The following NEK7 variants were observed in gnomAD, a reference collection of about 807,000 sequenced individuals.
NEK7 encodes serine/threonine-protein kinase Nek7.
NEK7 carries 18 observed loss-of-function variants against 44.6 expected under a neutral mutation model. That is an observed-to-expected ratio of 0.40 (90% CI 0.28 to 0.60). NEK7 has a LOEUF of 0.60. Ranked by LOEUF, NEK7 falls within the 20% of genes least tolerant of loss-of-function variation. The pLI, the probability that NEK7 is intolerant of heterozygous loss-of-function variation, is 0.38. For synonymous variants in NEK7, 130 were observed against 121.1 expected (o/e 1.07, Z -0.48); for missense variants, 256 against 366.5 (o/e 0.70, Z 2.46).
chr1:198,303,003 C>A (rs577429744), intron 9 of NEK7, among the ~76,000 whole-genome samples: 7 of 152,266 alleles, frequency 4.6e-5, no homozygotes, highest in African/African-American at 1.7e-4. Context: ...TTAACCCTTT[C>A]ACTCACCATC....
At chr1:198,209,100 TAC>T (rs1238207641) in intron 1 of NEK7, among the ~76,000 whole-genome samples, 2 of 123,636 alleles carry the variant, frequency 1.6e-5, no homozygotes, top group East Asian at 5.8e-4. Flanking sequence ...CACACATATG[TAC>T]ACACACATGT....
At chr1:198,315,117 T>C (rs1157630333) in intron 9 of NEK7, among the ~76,000 whole-genome samples, 1 of 152,206 alleles carries the variant, frequency 6.6e-6, no homozygotes, top group Non-Finnish European at 1.5e-5. Flanking sequence ...CCGAGCCAGA[T>C]GCGGGATATA....
chr1:198,241,267 T>G (rs1001223992), intron 2 of NEK7, among the ~76,000 whole-genome samples: 5 of 152,218 alleles, frequency 3.3e-5, no homozygotes, highest in African/African-American at 1.2e-4. Flanking sequence ...ATGTTTCACA[T>G]AGCTTTCTCA....
intron 1 of NEK7, 48 bp downstream of exon 1, chr1:198,157,324 CG>C (rs1422840762): frequency 6.6e-6 from 1 of 152,242 alleles, no homozygotes; most frequent in African/African-American, 2.4e-5. Context: ...CAGCTCCTGC[CG>C]GGAGGGGCCG....
chr1:198,275,705 T>C (rs896350429), intron 5 of NEK7, among the ~76,000 whole-genome samples: 2 of 151,532 alleles, frequency 1.3e-5, no homozygotes, highest in Non-Finnish European at 3.0e-5. Flanking sequence ...AGTGCTAATA[T>C]ACATTTTACC....
intron 7 of NEK7, among the ~76,000 whole-genome samples, chr1:198,286,086 A>G (rs368826579): frequency 4.6e-5 from 7 of 152,152 alleles, no homozygotes; most frequent in South Asian, 2.1e-4. Flanking sequence ...CTTGCTTTTG[A>G]TAAGAGCTTA....
intron 3 of NEK7, among the ~76,000 whole-genome samples, chr1:198,259,959 G>A (rs752362194): frequency 6.6e-5 from 10 of 152,110 alleles, no homozygotes; most frequent in South Asian, 4.2e-4. Context: ...TACAAGTTGC[G>A]TGTTAATTTT....
intron 2 of NEK7, 51 bp from the exon 3 acceptor site, chr1:198,252,989 A>T: frequency 6.8e-7 from 1 of 1,476,512 alleles, no homozygotes; most frequent in Non-Finnish European, 9.3e-7. Flanking sequence ...GATTGTGTGT[A>T]TTGCGTGTAT....
At chr1:198,233,836 C>T (rs1043656668) in intron 2 of NEK7, among the ~76,000 whole-genome samples, 1 of 145,160 alleles carries the variant, frequency 6.9e-6, no homozygotes, top group African/African-American at 2.6e-5. Flanking sequence ...ATCTTTTCTG[C>T]TTGTATGACT....
intron 2 of NEK7, among the ~76,000 whole-genome samples, chr1:198,249,206 C>CA (rs1652809845): frequency 6.6e-6 from 1 of 152,020 alleles, no homozygotes; most frequent in African/African-American, 2.4e-5. Flanking sequence ...CATGTCCCTA[C>CA]AAAGGACATG....
chr1:198,234,639 T>C (rs1666495289), intron 2 of NEK7, among the ~76,000 whole-genome samples: 1 of 152,220 alleles, frequency 6.6e-6, no homozygotes, highest in South Asian at 2.1e-4. Context: ...AGTGATTGTT[T>C]TCCTGTGAGA....
intron 3 of NEK7, among the ~76,000 whole-genome samples, chr1:198,262,038 C>T (rs1276962022): frequency 6.6e-6 from 1 of 151,878 alleles, no homozygotes; most frequent in East Asian, 1.9e-4. Context: ...AGAATGCATG[C>T]ATCAGACCTT....
chr1:198,256,226 C>A, intron 3 of NEK7: 1 of 1,325,512 alleles, frequency 7.5e-7, no homozygotes, highest in Non-Finnish European at 1.0e-6. Context: ...GAATCCTCAG[C>A]TTAGTTTTTA....
At chr1:198,182,471 GC>G (rs970197304) in intron 1 of NEK7, among the ~76,000 whole-genome samples, 7 of 152,052 alleles carry the variant, frequency 4.6e-5, no homozygotes, top group African/African-American at 1.4e-4. Context: ...TCCTGTTACA[GC>G]CCAAAACCAT....
At chr1:198,190,652 T>C (rs1298133638) in intron 1 of NEK7, among the ~76,000 whole-genome samples, 3 of 152,084 alleles carry the variant, frequency 2.0e-5, no homozygotes, top group African/African-American at 7.2e-5. Context: ...TGCATTCTTA[T>C]AAATGCAAAT....
chr1:198,157,604 G>A (rs1000225437), intron 1 of NEK7, among the ~76,000 whole-genome samples: 1 of 152,240 alleles, frequency 6.6e-6, no homozygotes, highest in Non-Finnish European at 1.5e-5. Context: ...TTCGGGACCC[G>A]AGGAACTTAA....
intron 9 of NEK7, among the ~76,000 whole-genome samples, chr1:198,299,290 A>G (rs1216766178): frequency 6.6e-6 from 1 of 152,228 alleles, no homozygotes; most frequent in Non-Finnish European, 1.5e-5. Flanking sequence ...AGAGTTCTCA[A>G]AACAAGAGCT....
At chr1:198,180,428 C>T (rs1338908110) in intron 1 of NEK7, among the ~76,000 whole-genome samples, 1 of 151,988 alleles carries the variant, frequency 6.6e-6, no homozygotes, top group African/African-American at 2.4e-5. Flanking sequence ...GATGAGGTTT[C>T]TTTCCTTTGT....
chr1:198,204,906 T>G (rs1028934461), intron 1 of NEK7, among the ~76,000 whole-genome samples: 7 of 152,168 alleles, frequency 4.6e-5, no homozygotes, highest in African/African-American at 1.4e-4. Flanking sequence ...CGCGTGTGCC[T>G]GGGAGGGATG....
Sources: allele counts gnomAD v4.1 joint callset (sites outside exome capture counted in the v4.1 genomes callset), GRCh38; gene constraint gnomAD v4.1.1; transcripts MANE v1.5; gene names NCBI Gene and HGNC (gene_info 2026-07-23, HGNC 2026-07-21).